Variants in EIF2AK2 observed in about 807,000 individuals in gnomAD.
EIF2AK2 encodes eukaryotic translation initiation factor 2 alpha kinase 2.
In EIF2AK2, 40 loss-of-function variants were observed where a neutral mutation model predicts 70.5. That is an observed-to-expected ratio of 0.57 (90% CI 0.44 to 0.74). EIF2AK2 has a LOEUF of 0.74. Ranked by LOEUF, EIF2AK2 falls within the 30% of genes least tolerant of loss-of-function variation. The pLI is 0.00. For missense variants in EIF2AK2, 555 were observed against 644.3 expected (o/e 0.86, Z 1.50); for synonymous variants, 198 against 220.9 (o/e 0.90, Z 0.92).
intron 1 of EIF2AK2, among the ~76,000 whole-genome samples, chr2:37,155,950 A>AAAAGAAAAG (rs1553340886): frequency 9.4e-4 from 130 of 139,020 alleles, no homozygotes; most frequent in Middle Eastern, 3.7e-3. Flanking sequence ...AAAAAAAAAA[A>AAAAGAAAAG]AAAAGAAAAG....
chr2:37,135,268 C>A (rs4648205), intron 10 of EIF2AK2, among the ~76,000 whole-genome samples: 15,120 of 152,242 alleles, frequency 0.099, 941 homozygotes, highest in African/African-American at 0.17. Flanking sequence ...AAACAACCAA[C>A]TAGATTCTTG....
intron 15 of EIF2AK2, 131 bp from the exon 16 acceptor site, chr2:37,107,658 G>A: frequency 3.2e-6 from 3 of 945,982 alleles, no homozygotes; most frequent in Non-Finnish European, 3.1e-6. Context: ...TAGCCAAGAA[G>A]CAAGCAGGAT....
At chr2:37,107,858 A>T (rs1037429014) in intron 15 of EIF2AK2, among the ~76,000 whole-genome samples, 2 of 152,128 alleles carry the variant, frequency 1.3e-5, no homozygotes, top group Non-Finnish European at 1.5e-5. Flanking sequence ...TAAGAGTAGG[A>T]TATCCAGCTG....
At position 37,140,600 on chromosome 2, in the gene EIF2AK2, G is replaced by T. The variant is rs3214400; in HGVS notation, c.390-843C>A. ...ATAGCTCCTATTTTTTTCAGATACT[G>T]CCCCCCCCCGCAAACAGATTTCTTC... On this transcript the variant is annotated intron_variant, in intron 5 of 16. Coordinates refer to ENST00000233057, the MANE Select transcript of EIF2AK2 (RefSeq NM_001135651.3). Among the ~76,000 whole-genome samples, 428 of 148,422 alleles carry T rather than the reference G, an allele frequency of 2.9e-3. 1 individual carries two copies. Among genetic ancestry groups the T allele is most frequent in the Non-Finnish European group, 4.9e-3 (330 of 66,876 alleles).
chr2:37,120,508 CAAAAAAA>C (rs1355178517), intron 12 of EIF2AK2, among the ~76,000 whole-genome samples: 2 of 6,924 alleles, frequency 2.9e-4, no homozygotes, highest in African/African-American at 4.7e-4. Context: ...TTCCGTCTCA[CAAAAAAA>C]AAAAAAAAAA....
At chr2:37,139,835 A>G (rs969635986) in intron 5 of EIF2AK2, 78 bp from the exon 6 acceptor site, 2 of 1,398,750 alleles carry the variant, frequency 1.4e-6, no homozygotes, top group African/African-American at 2.9e-5. Flanking sequence ...AAAAAATAAC[A>G]TATTAACAGA....
rs1558405225 is a variant in EIF2AK2, at chr2:37,107,369, T to C, written c.1560A>G (p.Ser520=). The change falls in exon 17 of 17, where the codon TCA becomes TCG. Residue 520 remains serine, a synonymous_variant. Coordinates refer to ENST00000233057, the MANE Select transcript of EIF2AK2 (RefSeq NM_001135651.3). ...TGTTAGGTCGATCCTCAGGTTTCTTTGAGAGTAATTTCTGTAGAAGAGTTT... is the reference window on the plus strand; with the variant it reads ...TGTTAGGTCGATCCTCAGGTTTCTTCGAGAGTAATTTCTGTAGAAGAGTTT... The part of the protein sequence containing the change: ...KEKTLLQKLL[S]KKPEDRPNTS... 6.2e-7 allele frequency: 1 copy of C among 1,613,944 alleles called. No homozygotes were observed. The highest frequency in any genetic ancestry group is 1.3e-5 in the African/African-American group (1 of 75,036).
chr2:37,133,436 G>A lies in EIF2AK2; in HGVS notation c.785+2048C>T, dbSNP rs145667498. 1.4e-4 allele frequency among the ~76,000 whole-genome samples: 21 copies of A among 152,130 alleles called. No individual in the cohort carries two copies. The East Asian group carries it at 3.5e-3, about 25-fold the overall frequency. ...CTCCTTTAATCCCTTCCTACAGTCA[G>A]GAAACTGGGTTCTGGTAAAAGGTCC... On this transcript the variant is annotated intron_variant, in intron 10 of 16. Transcript: ENST00000233057.
At chr2:37,117,420 C>T (rs1674383633) in intron 13 of EIF2AK2, among the ~76,000 whole-genome samples, 1 of 151,570 alleles carries the variant, frequency 6.6e-6, no homozygotes, top group Admixed American at 6.6e-5. Context: ...ACCTGTAGTC[C>T]CAGCTATGTG....
chr2:37,135,965 G>A (rs935938588), intron 9 of EIF2AK2, among the ~76,000 whole-genome samples: 5 of 152,080 alleles, frequency 3.3e-5, no homozygotes, highest in South Asian at 2.1e-4. Flanking sequence ...TATACTTACC[G>A]TTCTCCTCTG....
chr2:37,141,692 G>C lies in EIF2AK2; in HGVS notation c.250C>G (p.Pro84Ala), dbSNP rs768622848. The change falls in exon 5 of 17, where the codon CCT (proline) becomes GCT (alanine). Residue 84 changes from proline (P) to alanine (A), a missense_variant. Physicochemically the swap from Pro to Ala is conservative, Grantham distance 27 (BLOSUM62 -1). Around this residue, in one of 3 missense-constraint regions of EIF2AK2, gnomAD observed 208 missense variants for 191.8 expected, o/e 1.08. Transcript: ENST00000233057. Reference sequence around the variant, plus strand: ...GAATTCGTTGTTGTCAATAATAAAGGACTAACTGCCTACAAAGAAAAAAAA... The same window carrying C: ...GAATTCGTTGTTGTCAATAATAAAGCACTAACTGCCTACAAAGAAAAAAAA... ...ILNKEKKAVS[P>A]LLLTTTNSSE... 1 of 1,606,870 alleles carries C rather than the reference G, an allele frequency of 6.2e-7. No individual in the cohort carries two copies. The highest frequency in any genetic ancestry group is 8.5e-7 in the Non-Finnish European group (1 of 1,177,646).
At chr2:37,153,483 G>T (rs1558434193) in intron 1 of EIF2AK2, among the ~76,000 whole-genome samples, 1 of 151,828 alleles carries the variant, frequency 6.6e-6, no homozygotes. Context: ...GGGACCATAG[G>T]CGTGGGCATG....
intron 13 of EIF2AK2, among the ~76,000 whole-genome samples, chr2:37,117,335 C>T (rs1674381139): frequency 6.6e-6 from 1 of 152,088 alleles, no homozygotes; most frequent in African/African-American, 2.4e-5. Flanking sequence ...CTCAGGAGTT[C>T]GAGACCAACC....
intron 11 of EIF2AK2, among the ~76,000 whole-genome samples, chr2:37,125,231 G>A (rs573290740): frequency 4.5e-4 from 69 of 152,018 alleles, no homozygotes; most frequent in African/African-American, 1.5e-3. Flanking sequence ...GGCTGGTCTC[G>A]AACTCCTGAC....
chr2:37,119,877 C>T, intron 13 of EIF2AK2, 82 bp downstream of exon 13: 1 of 820,960 alleles, frequency 1.2e-6, no homozygotes, highest in Non-Finnish European at 1.6e-6. Context: ...TAGGCGTGAG[C>T]CACTGTGCCC....
At position 37,138,546 on chromosome 2, in the gene EIF2AK2, A is replaced by ACGTGG; in HGVS notation, c.555_556insCCACG (p.Cys186ProfsTer10). On this transcript the variant is annotated frameshift_variant, in exon 7 of 17. Coordinates refer to ENST00000233057, the MANE Select transcript of EIF2AK2 (RefSeq NM_001135651.3). LOFTEE classifies it high-confidence loss of function. The stretch of plus-strand genomic sequence containing the variant: ...ACTAAAGAGTTGCTTTGGGACTCAC[A>ACGTGG]CGTAGTAGCAAAAGAACCAGAGGAC... 2.5e-6 allele frequency: 4 copies of ACGTGG among 1,614,174 alleles called. No individual in the cohort carries two copies. The highest frequency in any genetic ancestry group is 3.4e-6 in the Non-Finnish European group (4 of 1,180,010).
At chr2:37,138,002 C>T (rs2148700216) in intron 8 of EIF2AK2, among the ~76,000 whole-genome samples, 1 of 150,802 alleles carries the variant, frequency 6.6e-6, no homozygotes, top group African/African-American at 2.4e-5. Flanking sequence ...CCCAGCTACT[C>T]AGGAGGCTGA....
At chr2:37,111,109 C>A (rs1023655716) in intron 14 of EIF2AK2, among the ~76,000 whole-genome samples, 1 of 152,120 alleles carries the variant, frequency 6.6e-6, no homozygotes, top group Non-Finnish European at 1.5e-5. Flanking sequence ...GTCAAATATA[C>A]AGACAGAAAG....
chr2:37,155,054 T>C (rs13026696), intron 1 of EIF2AK2, among the ~76,000 whole-genome samples: 62,606 of 151,738 alleles, frequency 0.41, 13,651 homozygotes, highest in East Asian at 0.77. Context: ...CCCCTGGTGA[T>C]CACCTCCAGG....
Sources: gnomAD v4.1 joint callset for allele counts (sites outside exome capture counted in the v4.1 genomes callset) on GRCh38, gnomAD v4.1.1 for gene constraint, gnomAD v4.1.1 regional missense constraint, MANE v1.5 for transcripts, NCBI Gene and HGNC (gene_info 2026-07-23, HGNC 2026-07-21) for gene names.